TMCO5A: variants seen among roughly 807,000 people sequenced by gnomAD.
TMCO5A encodes the protein transmembrane and coiled-coil domain-containing protein 5A.
TMCO5A carries 34 observed loss-of-function variants against 42.3 expected under a neutral mutation model. The ratio of observed to expected loss-of-function variants is 0.80; its 90% CI spans 0.61 to 1.07. The LOEUF is 1.07. Ranked by LOEUF, TMCO5A falls within the 50% of genes least tolerant of loss-of-function variation. The probability of loss-of-function intolerance (pLI) is 0.00; values close to 1 mark genes in which losing one functional copy is unlikely to be tolerated. For synonymous variants in TMCO5A, 131 were observed against 115.6 expected, an observed-to-expected ratio of 1.13 and a Z score of -0.86; for missense variants, 357 against 327.9, an observed-to-expected ratio of 1.09 and a Z score of -0.69.
chr15:37,956,929 G>T (rs189128822), intron 11 of TMCO5A, among the ~76,000 whole-genome samples: 1 of 152,282 alleles, frequency 6.6e-6, no homozygotes, highest in East Asian at 1.9e-4. Context: ...TGCAAGGCTG[G>T]TTCAACGGAT....
chr15:37,951,442 C>T (rs1001780447), downstream of TMCO5A: 26 of 549,008 alleles, frequency 4.7e-5, no homozygotes, highest in Admixed American at 2.4e-4. Context: ...CTCTGTGGAT[C>T]GGCTGAATAG....
chr15:37,981,772 C>T, the TMCO5A span, among the ~76,000 whole-genome samples: 2 of 152,222 alleles, frequency 1.3e-5, no homozygotes, highest in Non-Finnish European at 2.9e-5. Context: ...TACAGCCTGA[C>T]TAGAAACTAT....
chr15:37,947,324 A>C (rs1206718436), intron 10 of TMCO5A, among the ~76,000 whole-genome samples: 1 of 152,028 alleles, frequency 6.6e-6, no homozygotes, highest in Non-Finnish European at 1.5e-5. Flanking sequence ...AGAAGATAGA[A>C]TGGTATAGTT....
At chr15:38,022,412 A>G in the TMCO5A span, among the ~76,000 whole-genome samples, 1 of 152,326 alleles carries the variant, frequency 6.6e-6, no homozygotes, top group South Asian at 2.1e-4. Flanking sequence ...TATATATGAT[A>G]TTATTCCAAC....
chr15:38,007,969 C>T, the TMCO5A span, among the ~76,000 whole-genome samples: 1 of 138,736 alleles, frequency 7.2e-6, no homozygotes, highest in Non-Finnish European at 1.5e-5. Flanking sequence ...GATCTCGGCT[C>T]ACTGCAAGCT....
At chr15:38,001,176 GC>G in the TMCO5A span, among the ~76,000 whole-genome samples, 1 of 151,932 alleles carries the variant, frequency 6.6e-6, no homozygotes, top group African/African-American at 2.4e-5. Flanking sequence ...ATATCTGGAT[GC>G]CCCAGTGTTG....
At chr15:37,976,793 C>CTTTTTTTTTT in the TMCO5A span, among the ~76,000 whole-genome samples, 1 of 116,846 alleles carries the variant, frequency 8.6e-6, no homozygotes, top group Non-Finnish European at 1.7e-5. Flanking sequence ...TTTCTTCTTT[C>CTTTTTTTTTT]TTTTTTTTTT....
chr15:38,028,889 G>A, the TMCO5A span, among the ~76,000 whole-genome samples: 4 of 151,902 alleles, frequency 2.6e-5, no homozygotes, highest in East Asian at 1.9e-4. Flanking sequence ...TTGAGACCAC[G>A]GAAAGGACCA....
At chr15:38,037,278 G>A in the TMCO5A span, among the ~76,000 whole-genome samples, 2 of 152,130 alleles carry the variant, frequency 1.3e-5, no homozygotes, top group East Asian at 3.9e-4. Context: ...GCTCTATGTT[G>A]GTTTAATCCT....
the TMCO5A span, among the ~76,000 whole-genome samples, chr15:38,037,917 G>A: frequency 2.0e-5 from 3 of 151,776 alleles, no homozygotes; most frequent in Non-Finnish European, 4.4e-5. Context: ...GGAGGCTGAG[G>A]CAGAATAATC....
In TMCO5A at chr15:37,951,284, T is replaced by C; in HGVS notation, c.*50T>C. The stretch of plus-strand genomic sequence containing the variant: ...ATAGAAGGGAAGTGGGATCCGAGCC[T>C]GTAGAAGGGAGGCATGAAACTTGTG... On this transcript the variant is annotated 3_prime_UTR_variant, in exon 12 of 12. Transcript: ENST00000319669. The C allele has an allele frequency of 1.9e-6, 3 of 1,561,994 alleles. No individual in the cohort carries two copies. The highest frequency in any genetic ancestry group is 2.6e-6 in the Non-Finnish European group (3 of 1,139,970).
chr15:38,008,033 C>T, the TMCO5A span, among the ~76,000 whole-genome samples: 2 of 151,590 alleles, frequency 1.3e-5, no homozygotes, highest in Non-Finnish European at 1.5e-5. Context: ...GTTGCTGGGA[C>T]TACAGGCGCC....
At chr15:37,976,524 C>A in the TMCO5A span, among the ~76,000 whole-genome samples, 1 of 152,086 alleles carries the variant, frequency 6.6e-6, no homozygotes, top group Admixed American at 6.5e-5. Flanking sequence ...GCTTTCTCTC[C>A]CTCTCTTTCA....
At chr15:37,979,950 A>G in the TMCO5A span, among the ~76,000 whole-genome samples, 4 of 151,842 alleles carry the variant, frequency 2.6e-5, no homozygotes, top group Non-Finnish European at 5.9e-5. Context: ...GTCTTATGAA[A>G]AACATTCTGG....
chr15:37,938,884 C>T (rs1889627051), intron 6 of TMCO5A, among the ~76,000 whole-genome samples: 1 of 152,020 alleles, frequency 6.6e-6, no homozygotes, highest in African/African-American at 2.4e-5. Flanking sequence ...CAACCACAAC[C>T]TATCTGATGA....
chr15:37,981,200 CAAAAAAAA>C, the TMCO5A span, among the ~76,000 whole-genome samples: 5 of 65,322 alleles, frequency 7.7e-5, no homozygotes, highest in Non-Finnish European at 1.2e-4. Context: ...AGAAAGCCAG[CAAAAAAAA>C]AAAAAAAAAA....
the TMCO5A span, among the ~76,000 whole-genome samples, chr15:37,974,770 T>A: frequency 6.6e-6 from 1 of 152,220 alleles, no homozygotes; most frequent in Admixed American, 6.5e-5. Flanking sequence ...TTTTGGTTAT[T>A]TCTTGTCTTC....
At chr15:38,028,176 T>C in the TMCO5A span, among the ~76,000 whole-genome samples, 2 of 150,838 alleles carry the variant, frequency 1.3e-5, no homozygotes, top group African/African-American at 2.5e-5. Context: ...TAGTAGTAAA[T>C]AGATGAAGTC....
At chr15:37,936,086 G>A in intron 2 of TMCO5A, 3 of 378,282 alleles carry the variant, frequency 7.9e-6, no homozygotes, top group South Asian at 1.2e-4. Context: ...GTTAGATTGA[G>A]CACTTTGGAG....
Sources: allele counts gnomAD v4.1 joint callset (sites outside exome capture counted in the v4.1 genomes callset), GRCh38; gene constraint gnomAD v4.1.1; transcripts MANE v1.5; gene names NCBI Gene and HGNC (gene_info 2026-07-23, HGNC 2026-07-21).